Variants in GPAT3 observed in about 807,000 individuals in gnomAD.
The protein encoded by GPAT3 is 1-AGP acyltransferase 9.
Under a neutral mutation model 58.8 loss-of-function variants are expected in GPAT3, and 53 were observed. The observed-to-expected ratio is 0.90, with a 90% CI of 0.72 to 1.13. The LOEUF is 1.13. Ranked by LOEUF, GPAT3 falls within the 50% of genes most tolerant of loss-of-function variation. GPAT3 has a pLI of 0.00. For missense variants in GPAT3, 511 were observed against 527.6 expected, an observed-to-expected ratio of 0.97 and a Z score of 0.31; for synonymous variants, 197 against 187.4, an observed-to-expected ratio of 1.05 and a Z score of -0.42.
chr4:83,582,908 A>G (rs1457134200), intron 3 of GPAT3, among the ~76,000 whole-genome samples: 3 of 152,098 alleles, frequency 2.0e-5, no homozygotes, highest in Non-Finnish European at 4.4e-5. Flanking sequence ...TGAACCTTAA[A>G]CTAGTGCCCC....
intron 2 of GPAT3, among the ~76,000 whole-genome samples, chr4:83,575,267 T>C (rs554202582): frequency 8.3e-4 from 126 of 152,336 alleles, no homozygotes; most frequent in African/African-American, 3.0e-3. Context: ...GTTCCCTATA[T>C]GTTGATTGAA....
At chr4:83,578,948 T>TTTTCTTTCTTTCTTTCTTTCTTTCTTTC (rs1553946757) in intron 2 of GPAT3, among the ~76,000 whole-genome samples, 1 of 71,848 alleles carries the variant, frequency 1.4e-5, no homozygotes, top group Admixed American at 1.6e-4. Flanking sequence ...TTTTCTTTTC[T>TTTTCTTTCTTTCTTTCTTTCTTTCTTTC]TTTCTTTCTT....
rs1726470046 is a variant in GPAT3, at chr4:83,588,420, T to C, written c.644+121T>C. On this transcript the variant is annotated intron_variant, in intron 5 of 11. Coordinates refer to ENST00000264409, the MANE Select transcript of GPAT3 (RefSeq NM_032717.5). ...AGTCAGAGTGCTTCCAATGTGTTCA[T>C]CTCTACTTCTCAGTGTGGCACAGGC... The C allele has an allele frequency of 4.9e-6, 4 of 810,306 alleles. No individual in the cohort carries two copies. The East Asian group carries it at 1.0e-4, about 20-fold the overall frequency. The allele number at this position is 810,306 out of a possible 1,614,324, so 50.2% of individuals were successfully genotyped here. A position where few individuals can be genotyped will look rare whatever the true frequency, so the allele number is the denominator to read the frequency against.
intron 2 of GPAT3, among the ~76,000 whole-genome samples, chr4:83,565,837 C>T (rs1725361483): frequency 6.6e-6 from 1 of 152,192 alleles, no homozygotes; most frequent in Non-Finnish European, 1.5e-5. Context: ...TGTTGGTTTA[C>T]AAGCGCTTTG....
At position 83,594,766 on chromosome 4, in the gene GPAT3, G is replaced by A. The variant is rs1370317645; in HGVS notation, c.739-79G>A. 6 of 1,141,414 alleles carry A rather than the reference G, an allele frequency of 5.3e-6. No homozygotes were observed. The South Asian group carries it at 8.0e-5, about 15-fold the overall frequency. The allele number at this position is 1,141,414 out of a possible 1,614,324, so 70.7% of individuals were successfully genotyped here. A position where few individuals can be genotyped will look rare whatever the true frequency, so the allele number is the denominator to read the frequency against. On this transcript the variant is annotated intron_variant, in intron 6 of 11. Coordinates refer to ENST00000264409, the MANE Select transcript of GPAT3 (RefSeq NM_032717.5). ...CAATCATATTTTTGAGTGGAGAATA[G>A]AAATTTGTTGGTACTTAAAAAACTT...
intron 2 of GPAT3, among the ~76,000 whole-genome samples, chr4:83,562,398 A>G (rs376655797): frequency 1.6e-4 from 24 of 151,072 alleles, no homozygotes; most frequent in African/African-American, 5.8e-4. Flanking sequence ...GAGATCTCAA[A>G]GTTTTGAAAA....
intron 2 of GPAT3, among the ~76,000 whole-genome samples, chr4:83,573,745 T>C (rs1285597073): frequency 6.6e-6 from 1 of 152,154 alleles, no homozygotes; most frequent in Non-Finnish European, 1.5e-5. Context: ...CCACCAATAA[T>C]TGGTGCTGGA....
intron 2 of GPAT3, among the ~76,000 whole-genome samples, chr4:83,578,985 T>TTTCC (rs1185459852): frequency 2.0e-4 from 26 of 131,862 alleles, no homozygotes; most frequent in Middle Eastern, 3.6e-3. Context: ...TCTTTCTTTC[T>TTTCC]TTCCTTCCTT....
rs1040033078 is a variant in GPAT3, at chr4:83,598,292, G to A, written c.1125+113G>A. 4.3e-6 allele frequency: 6 copies of A among 1,385,152 alleles called. No individual in the cohort carries two copies. In the African/African-American group the frequency reaches 5.9e-5, roughly 14 times the overall value. 85.8% of individuals were successfully genotyped at this position (1,385,152 alleles called of 1,614,324 possible). A position where few individuals can be genotyped will look rare whatever the true frequency, so the allele number is the denominator to read the frequency against. On this transcript the variant is annotated intron_variant, in intron 10 of 11. Transcript: ENST00000264409. ...GCTTTTCTGCTTTCTCAGCAAATGG[G>A]TCATTTTTTTAATGATGTATTTAGC...
intron 1 of GPAT3, among the ~76,000 whole-genome samples, chr4:83,537,037 A>G (rs1489815295): frequency 6.6e-6 from 1 of 152,078 alleles, no homozygotes; most frequent in Non-Finnish European, 1.5e-5. Flanking sequence ...CATCGTTATT[A>G]TTTTACTGAT....
At chr4:83,563,119 T>A (rs1725241457) in intron 2 of GPAT3, among the ~76,000 whole-genome samples, 1 of 152,230 alleles carries the variant, frequency 6.6e-6, no homozygotes, top group Non-Finnish European at 1.5e-5. Flanking sequence ...TTGTTTTATC[T>A]TTACAATTCT....
At chr4:83,547,848 CTT>C (rs1724601626) in intron 2 of GPAT3, among the ~76,000 whole-genome samples, 1 of 136,146 alleles carries the variant, frequency 7.3e-6, no homozygotes, top group African/African-American at 2.8e-5. Context: ...TCCTCTTCTT[CTT>C]CCCTTTTTTT....
intron 3 of GPAT3, among the ~76,000 whole-genome samples, chr4:83,582,307 C>T (rs764467232): frequency 2.5e-4 from 38 of 152,194 alleles, no homozygotes; most frequent in Non-Finnish European, 3.5e-4. Flanking sequence ...AGAGCCATTT[C>T]GAAGTGTGTT....
chr4:83,558,765 G>A (rs10009351), intron 2 of GPAT3, among the ~76,000 whole-genome samples: 39,876 of 152,046 alleles, frequency 0.26, 5,642 homozygotes, highest in African/African-American at 0.36. Flanking sequence ...ATGTAAAAGC[G>A]TAGATAAACC....
In GPAT3 at chr4:83,597,346, A is replaced by G. The variant is rs1726881349; in HGVS notation, c.911-84A>G. 16 of 730,142 alleles carry G rather than the reference A, an allele frequency of 2.2e-5. 1 individual carries two copies. The South Asian group carries it at 6.1e-4, about 28-fold the overall frequency. The allele number at this position is 730,142 out of a possible 1,614,324, so 45.2% of individuals were successfully genotyped here. On this transcript the variant is annotated intron_variant, in intron 8 of 11. Coordinates refer to ENST00000264409, the MANE Select transcript of GPAT3 (RefSeq NM_032717.5). ...TAATTTTGATATTTTAAATTATTTT[A>G]TATCAAAATAATTTCTTTTAAAATT...
At chr4:83,565,024 GA>G (rs1402613699) in intron 2 of GPAT3, among the ~76,000 whole-genome samples, 4 of 151,392 alleles carry the variant, frequency 2.6e-5, no homozygotes, top group African/African-American at 9.7e-5. Context: ...AACACTCTGT[GA>G]AAAAAATCTT....
Position 83,605,672 on chromosome 4 carries a change from T to TA in GPAT3, c.*905_*906insA, listed in dbSNP as rs1328114988. 6.6e-6 allele frequency: 1 copy of TA among 152,400 alleles called. No homozygotes were observed. Among genetic ancestry groups the TA allele is most frequent in the Non-Finnish European group, 1.5e-5 (1 of 67,998 alleles). 9.4% of individuals were successfully genotyped at this position (152,400 alleles called of 1,614,324 possible). ...TTTCCCAGTCTCTTAAACAGAAAAA[T>TA]GACTGATATAATTATCTTTTGGAAA... On this transcript the variant is annotated 3_prime_UTR_variant, in exon 12 of 12. Coordinates refer to ENST00000264409, the MANE Select transcript of GPAT3 (RefSeq NM_032717.5).
At chr4:83,579,045 T>TCC (rs1560621016) in intron 2 of GPAT3, among the ~76,000 whole-genome samples, 7 of 40,690 alleles carry the variant, frequency 1.7e-4, no homozygotes, top group African/African-American at 3.8e-4. Context: ...TTTCTTTCTT[T>TCC]CTTTCTTTCT....
Position 83,590,072 on chromosome 4 carries a change from AAC to A in GPAT3, c.645-125_645-124del, listed in dbSNP as rs1406009393. 6.6e-5 allele frequency: 49 copies of A among 744,468 alleles called. No individual in the cohort carries two copies. The South Asian group carries it at 8.1e-4, about 12-fold the overall frequency. The allele number at this position is 744,468 out of a possible 1,614,324, so 46.1% of individuals were successfully genotyped here. The stretch of plus-strand genomic sequence containing the variant: ...TGCACCAATGCACTCCAGCCTGGGC[AAC>A]AGAGTGAGACGCGAAAAAAAAAATT... On this transcript the variant is annotated intron_variant, in intron 5 of 11. Coordinates refer to ENST00000264409, the MANE Select transcript of GPAT3 (RefSeq NM_032717.5).
Sources: gnomAD v4.1 joint callset for allele counts (sites outside exome capture counted in the v4.1 genomes callset) on GRCh38, gnomAD v4.1.1 for gene constraint, MANE v1.5 for transcripts, NCBI Gene and HGNC (gene_info 2026-07-23, HGNC 2026-07-21) for gene names.